The following SLIT2 variants were observed in gnomAD, a reference collection of about 807,000 sequenced individuals.
SLIT2 encodes the protein slit homolog 2 protein.
SLIT2 carries 41 observed loss-of-function variants against 185.7 expected under a neutral mutation model. The observed-to-expected ratio is 0.22, with a 90% CI of 0.17 to 0.29. The LOEUF is 0.29. Among genes scored for constraint, SLIT2 ranks in the 10% least tolerant of loss-of-function variants. The pLI is 1.00. For synonymous variants in SLIT2, 693 were observed against 680.2 expected (o/e 1.02, Z -0.29); for missense variants, 1,571 against 1,909.0 (o/e 0.82, Z 3.30).
chr4:20,437,478 C>T (rs1729429621), intron 4 of SLIT2, among the ~76,000 whole-genome samples: 1 of 151,936 alleles, frequency 6.6e-6, no homozygotes, highest in African/African-American at 2.4e-5. Flanking sequence ...ATCTGTGTGT[C>T]GATGTGTGCC....
intron 17 of SLIT2, 91 bp from the exon 18 acceptor site, chr4:20,533,481 T>G: frequency 3.1e-6 from 3 of 979,970 alleles, no homozygotes; most frequent in Non-Finnish European, 4.6e-6. Context: ...GTTGGAAAAC[T>G]TGGATCATTA....
Position 20,610,037 on chromosome 4 carries a change from C to G in SLIT2, c.3717C>G (p.Asn1239Lys), listed in dbSNP as rs1377214655. ...IYSVETINDG[N>K]FHIVELLALD... Reference sequence around the variant, plus strand: ...GTGTGGAGACAATCAATGATGGAAACTTCCACATTGTGGAACTACTTGCCT... The same window carrying G: ...GTGTGGAGACAATCAATGATGGAAAGTTCCACATTGTGGAACTACTTGCCT... The change falls in exon 34 of 37, where the codon AAC becomes AAG. Residue 1239 changes from asparagine (N) to lysine (K), a missense_variant. Asn to Lys is a moderately conservative substitution (Grantham distance 94). This residue lies in a region of SLIT2 where 146 missense variants were observed against 247.4 expected (regional missense o/e 0.59). Transcript: ENST00000504154. 5 of 1,613,040 alleles carry G rather than the reference C, an allele frequency of 3.1e-6. No individual in the cohort carries two copies. The South Asian group carries it at 4.4e-5, about 14-fold the overall frequency.
intron 4 of SLIT2, among the ~76,000 whole-genome samples, chr4:20,345,077 C>G (rs1396199184): frequency 6.6e-6 from 1 of 152,084 alleles, no homozygotes; most frequent in Non-Finnish European, 1.5e-5. Flanking sequence ...TAGAATTAAA[C>G]TAATATTTTT....
At chr4:20,608,726 G>A (rs892142857) in intron 33 of SLIT2, among the ~76,000 whole-genome samples, 1 of 152,210 alleles carries the variant, frequency 6.6e-6, no homozygotes, top group East Asian at 1.9e-4. Context: ...AGACTCCAGT[G>A]GTGAGAACCA....
At chr4:20,570,721 ATATATATATG>A (rs1347123907) in intron 29 of SLIT2, among the ~76,000 whole-genome samples, 110 of 62,236 alleles carry the variant, frequency 1.8e-3, no homozygotes, top group African/African-American at 5.5e-3. Context: ...GAATATATAT[ATATATATATG>A]TATATATATA....
intron 4 of SLIT2, among the ~76,000 whole-genome samples, chr4:20,343,520 G>A (rs1179877411): frequency 6.8e-6 from 1 of 148,090 alleles, no homozygotes; most frequent in East Asian, 2.0e-4. Context: ...TTTTTTTCTT[G>A]AGATTAAGTC....
chr4:20,307,199 C>T (rs13147242), intron 4 of SLIT2, among the ~76,000 whole-genome samples: 4 of 110,726 alleles, frequency 3.6e-5, no homozygotes, highest in Admixed American at 9.9e-5. Flanking sequence ...TCCTTCTTTC[C>T]CTGACTCCCT....
At chr4:20,340,091 GCTTT>G (rs909042469) in intron 4 of SLIT2, among the ~76,000 whole-genome samples, 3 of 151,552 alleles carry the variant, frequency 2.0e-5, no homozygotes, top group African/African-American at 7.3e-5. Context: ...TTTTAAATTT[GCTTT>G]CTGTTTTAAA....
chr4:20,518,854 C>T (rs1463384961), intron 11 of SLIT2, among the ~76,000 whole-genome samples: 2 of 151,200 alleles, frequency 1.3e-5, no homozygotes, highest in Non-Finnish European at 2.9e-5. Context: ...GATCCGCCCG[C>T]CTCGGCCTCC....
intron 33 of SLIT2, among the ~76,000 whole-genome samples, chr4:20,601,085 A>G (rs1728377754): frequency 6.6e-6 from 1 of 152,274 alleles, no homozygotes; most frequent in Non-Finnish European, 1.5e-5. Flanking sequence ...ACAAAGAAAA[A>G]CTAGACACAA....
chr4:20,565,538 T>G (rs1422465821), intron 26 of SLIT2, among the ~76,000 whole-genome samples: 1 of 152,010 alleles, frequency 6.6e-6, no homozygotes, highest in Admixed American at 6.6e-5. Flanking sequence ...TGCCCTTAAT[T>G]GATAAATAAA....
intron 9 of SLIT2, among the ~76,000 whole-genome samples, chr4:20,509,059 A>G (rs1577814275): frequency 6.6e-6 from 1 of 151,838 alleles, no homozygotes; most frequent in African/African-American, 2.4e-5. Flanking sequence ...TTAAAGTATT[A>G]CCAACGTTCA....
At chr4:20,414,405 A>G (rs1336742398) in intron 4 of SLIT2, among the ~76,000 whole-genome samples, 1 of 152,132 alleles carries the variant, frequency 6.6e-6, no homozygotes, top group African/African-American at 2.4e-5. Context: ...AGTTGTGAAA[A>G]TATATTTATA....
chr4:20,475,733 C>A (rs1716025762), intron 5 of SLIT2, among the ~76,000 whole-genome samples: 1 of 152,088 alleles, frequency 6.6e-6, no homozygotes, highest in South Asian at 2.1e-4. Context: ...TTTTCAGTTT[C>A]TACCACTTTT....
chr4:20,544,478 A>G (rs1002206811), intron 21 of SLIT2, among the ~76,000 whole-genome samples: 1 of 152,130 alleles, frequency 6.6e-6, no homozygotes, highest in African/African-American at 2.4e-5. Context: ...ATTTTACTAC[A>G]AATTATTAAA....
chr4:20,554,734 T>C (rs771520834), intron 26 of SLIT2, among the ~76,000 whole-genome samples: 15 of 151,524 alleles, frequency 9.9e-5, no homozygotes, highest in Non-Finnish European at 2.1e-4. Context: ...TATTCTTAGA[T>C]TGTGGGGTTT....
At chr4:20,305,872 AAATAATAATAAT>A (rs56164214) in intron 4 of SLIT2, among the ~76,000 whole-genome samples, 3,930 of 136,440 alleles carry the variant, frequency 0.029, 63 homozygotes, top group Non-Finnish European at 0.037. Context: ...GACTGTCTCA[AAATAATAATAAT>A]AATAATAATA....
chr4:20,515,960 C>T (rs1033359426), intron 11 of SLIT2, among the ~76,000 whole-genome samples: 16 of 152,130 alleles, frequency 1.1e-4, no homozygotes, highest in African/African-American at 1.4e-4. Flanking sequence ...GGATTACAGG[C>T]GCCTGCTACC....
At chr4:20,425,025 CA>C (rs1409187228) in intron 4 of SLIT2, among the ~76,000 whole-genome samples, 1 of 151,946 alleles carries the variant, frequency 6.6e-6, no homozygotes, top group Non-Finnish European at 1.5e-5. Context: ...GTCTTTTTCC[CA>C]AAGGATGGTG....
Sources: allele counts gnomAD v4.1 joint callset (sites outside exome capture counted in the v4.1 genomes callset), GRCh38; gene constraint gnomAD v4.1.1; regional missense constraint gnomAD v4.1.1; transcripts MANE v1.5; gene names NCBI Gene and HGNC (gene_info 2026-07-23, HGNC 2026-07-21).